CRTC3: variants seen among roughly 807,000 people sequenced by gnomAD.
The protein encoded by CRTC3 is CREB regulated transcription coactivator 3.
CRTC3 carries 26 observed loss-of-function variants against 74.5 expected under a neutral mutation model. That is an observed-to-expected ratio of 0.35 (90% confidence interval 0.26 to 0.48). The LOEUF is 0.48. Among genes scored for constraint, CRTC3 ranks in the 20% least tolerant of loss-of-function variants. The pLI, the probability that CRTC3 is intolerant of heterozygous loss-of-function variation, is 0.99. For missense variants in CRTC3, 760 were observed against 787.3 expected (o/e 0.97, Z 0.41); for synonymous variants, 377 against 325.8 (o/e 1.16, Z -1.69).
intron 2 of CRTC3, among the ~76,000 whole-genome samples, chr15:90,587,344 T>C (rs1967689159): frequency 6.6e-6 from 1 of 152,214 alleles, no homozygotes; most frequent in African/African-American, 2.4e-5. Context: ...CTGCTTCTTT[T>C]GGAAGATTCA....
chr15:90,629,942 T>G (rs762986977), intron 11 of CRTC3, among the ~76,000 whole-genome samples: 1 of 152,168 alleles, frequency 6.6e-6, no homozygotes, highest in Non-Finnish European at 1.5e-5. Context: ...CAAGCTGGTC[T>G]CAAATGCCTG....
chr15:90,570,090 T>C (rs543858071), intron 2 of CRTC3, among the ~76,000 whole-genome samples: 1 of 152,346 alleles, frequency 6.6e-6, no homozygotes, highest in African/African-American at 2.4e-5. Flanking sequence ...TTATATGGAC[T>C]GATGGTTATA....
intron 2 of CRTC3, among the ~76,000 whole-genome samples, chr15:90,565,009 C>G (rs1227333175): frequency 6.6e-6 from 1 of 152,134 alleles, no homozygotes; most frequent in East Asian, 1.9e-4. Flanking sequence ...ATGATGCGAT[C>G]TTGGCTCACC....
In CRTC3 at chr15:90,544,594, T is replaced by G. The variant is rs908398647; in HGVS notation, c.231+4457T>G. On this transcript the variant is annotated intron_variant, in intron 2 of 14. Transcript: ENST00000268184. The stretch of plus-strand genomic sequence containing the variant: ...GTTTCCACCTTTTGGCAATTATGAA[T>G]AAATATTCTATAAACATTCACATAC... Among the ~76,000 whole-genome samples the G allele has an allele frequency of 5.3e-5, 8 of 152,350 alleles. No homozygotes were observed. The East Asian group carries it at 1.3e-3, about 26-fold the overall frequency.
chr15:90,593,604 G>C (rs1403384305), intron 2 of CRTC3, 32 bp from the exon 3 acceptor site: 1 of 1,585,726 alleles, frequency 6.3e-7, no homozygotes, highest in Non-Finnish European at 8.6e-7. Flanking sequence ...TTTCATGGTT[G>C]GAGGCCAACT....
intron 6 of CRTC3, among the ~76,000 whole-genome samples, chr15:90,613,134 G>A (rs2151086066): frequency 7.4e-6 from 1 of 135,608 alleles, no homozygotes. Context: ...AGTGAGCCAA[G>A]GTCACGCCAC....
intron 11 of CRTC3, among the ~76,000 whole-genome samples, chr15:90,637,491 C>T (rs886152467): frequency 3.9e-5 from 6 of 152,032 alleles, no homozygotes; most frequent in Non-Finnish European, 8.8e-5. Flanking sequence ...CAACATGGCA[C>T]GTGTATACAT....
intron 2 of CRTC3, among the ~76,000 whole-genome samples, chr15:90,561,658 C>T (rs754664949): frequency 1.3e-5 from 2 of 152,154 alleles, no homozygotes; most frequent in Non-Finnish European, 2.9e-5. Context: ...TTAATCCAGC[C>T]TCTGACTGCC....
At chr15:90,613,631 C>T (rs929760516) in intron 6 of CRTC3, 7 of 152,010 alleles carry the variant, frequency 4.6e-5, no homozygotes, top group African/African-American at 1.7e-4. Context: ...TCAGGTTAAC[C>T]TATAGGTTAA....
At chr15:90,606,487 G>A (rs1406913584) in intron 5 of CRTC3, among the ~76,000 whole-genome samples, 1 of 151,634 alleles carries the variant, frequency 6.6e-6, no homozygotes, top group African/African-American at 2.4e-5. Flanking sequence ...TCTTGAACAC[G>A]GGAGGCAGAT....
chr15:90,615,917 G>C (rs1054855136), intron 7 of CRTC3, among the ~76,000 whole-genome samples: 9 of 151,310 alleles, frequency 5.9e-5, no homozygotes, highest in African/African-American at 2.2e-4. Context: ...GGAGTGCAGT[G>C]GTGTGACCTC....
chr15:90,637,235 T>C (rs973221302), intron 11 of CRTC3, among the ~76,000 whole-genome samples: 75 of 152,262 alleles, frequency 4.9e-4, no homozygotes, highest in Middle Eastern at 3.4e-3. Flanking sequence ...TAAAAAATGA[T>C]GAGTTCATGT....
Position 90,629,401 on chromosome 15 carries a change from C to G in CRTC3, c.1135C>G (p.Leu379Val). The change falls in exon 11 of 15, where the codon CTG becomes GTG. Residue 379 changes from leucine (L) to valine (V), a missense_variant. Coordinates refer to ENST00000268184, the MANE Select transcript of CRTC3 (RefSeq NM_022769.5). ...CAACCCATCTCTTTCCACCACAAAC[C>G]TGAGCGGCCCGTCTCGGCGTCGGCA... is the stretch of plus-strand genomic sequence containing the variant. ...LSNPSLSTTN[L>V]SGPSRRRQPP... The G allele has an allele frequency of 3.7e-6, 6 of 1,614,122 alleles. No homozygotes were observed. Among genetic ancestry groups the G allele is most frequent in the Non-Finnish European group, 5.1e-6 (6 of 1,180,028 alleles).
At chr15:90,532,977 C>T (rs1437409526) in intron 1 of CRTC3, among the ~76,000 whole-genome samples, 5 of 146,608 alleles carry the variant, frequency 3.4e-5, no homozygotes, top group South Asian at 2.2e-4. Context: ...TCCAGCTACT[C>T]GGGAGGCTGA....
intron 2 of CRTC3, among the ~76,000 whole-genome samples, chr15:90,584,568 C>T (rs1044406085): frequency 6.6e-6 from 1 of 152,160 alleles, no homozygotes; most frequent in Non-Finnish European, 1.5e-5. Context: ...GAGTTGTGGT[C>T]TCATTATGTC....
In CRTC3 at chr15:90,629,333, A is replaced by G. The variant is rs1277385806; in HGVS notation, c.1067A>G (p.Asn356Ser). 7 of 1,613,822 alleles carry G rather than the reference A, an allele frequency of 4.3e-6. No individual in the cohort carries two copies. In the Admixed American group the frequency reaches 6.7e-5, roughly 15 times the overall value. The change falls in exon 11 of 15, where the codon AAC becomes AGC. Residue 356 changes from asparagine (N) to serine (S), a missense_variant. By Grantham distance (46) the Asn-to-Ser change is conservative. This residue lies in a region of CRTC3 where 652 missense variants were observed against 635.2 expected (regional missense o/e 1.03). Coordinates refer to ENST00000268184, the MANE Select transcript of CRTC3 (RefSeq NM_022769.5). Reference protein sequence around the residue: ...LNNHPQTSVPNASALHPSLRL... With the variant: ...LNNHPQTSVPSASALHPSLRL... ...AACCACCCACAGACATCTGTTCCCAACGCATCTGCTCTTCACCCTTCGCTC... is the reference window on the plus strand; with the variant it reads ...AACCACCCACAGACATCTGTTCCCAGCGCATCTGCTCTTCACCCTTCGCTC...
At position 90,634,722 on chromosome 15, in the gene CRTC3, G is replaced by A. The variant is rs1969169946; in HGVS notation, c.1267-3724G>A. 4 of 758,818 alleles carry A rather than the reference G, an allele frequency of 5.3e-6. No homozygotes were observed. The South Asian group carries it at 5.8e-5, about 11-fold the overall frequency. 47.0% of individuals were successfully genotyped at this position (758,818 alleles called of 1,614,324 possible). The stretch of plus-strand genomic sequence containing the variant: ...GGAGTATGAGACTGAGGCGAAGGGA[G>A]TCATGGCAGGACAAGCGTGTAGAAA... On this transcript the variant is annotated intron_variant, in intron 11 of 14. Coordinates refer to ENST00000268184, the MANE Select transcript of CRTC3 (RefSeq NM_022769.5).
chr15:90,577,808 G>A (rs1379597732), intron 2 of CRTC3, among the ~76,000 whole-genome samples: 1 of 152,164 alleles, frequency 6.6e-6, no homozygotes, highest in African/African-American at 2.4e-5. Context: ...TCATATGTCG[G>A]AGCTAAAAAA....
chr15:90,604,562 A>G (rs776123585), intron 5 of CRTC3, 115 bp downstream of exon 5: 21 of 828,414 alleles, frequency 2.5e-5, no homozygotes, highest in Non-Finnish European at 3.6e-5. Flanking sequence ...TTGATATGAC[A>G]TGTTCAAAAC....
Sources: gnomAD v4.1 joint callset for allele counts (sites outside exome capture counted in the v4.1 genomes callset) on GRCh38, gnomAD v4.1.1 for gene constraint, gnomAD v4.1.1 regional missense constraint, MANE v1.5 for transcripts, NCBI Gene and HGNC (gene_info 2026-07-23, HGNC 2026-07-21) for gene names.